OR51M1: variants seen among roughly 807,000 people sequenced by gnomAD.
OR51M1 encodes olfactory receptor family 51 subfamily M member 1, also known as olfactory receptor 51M1.
For synonymous variants in OR51M1, 199 were observed against 155.1 expected (o/e 1.28, Z -2.10); for missense variants, 509 against 404.4 (o/e 1.26, Z -2.22).
chr11:5,390,097 C>T lies in OR51M1; in HGVS notation c.699C>T (p.Ile233=). ...TCATCGCACTGTCCTATGGACTCAT[C>T]CTGCACACAGTAGCAGGCCTGGCCT... ...LVLIALSYGL[I]LHTVAGLASQ... The change falls in exon 3 of 3, where the codon ATC becomes ATT. Residue 233 remains isoleucine (I), a synonymous_variant. Transcript: ENST00000642046. 1 of 1,613,786 alleles carries T rather than the reference C, an allele frequency of 6.2e-7. No individual in the cohort carries two copies. The highest frequency in any genetic ancestry group is 8.5e-7 in the Non-Finnish European group (1 of 1,179,898).
intron 2 of OR51M1, among the ~76,000 whole-genome samples, chr11:5,385,835 T>A (rs1298374454): frequency 6.7e-6 from 1 of 148,338 alleles, no homozygotes; most frequent in East Asian, 2.0e-4. Context: ...GAATATATAA[T>A]GTATATACTA....
rs548205989 is a variant in OR51M1, at chr11:5,392,476, C to T, written c.*2097C>T. ...ATTTTGCCTCTTATTAACAAATAGA[C>T]CACTGACATCTAAATTTCATTTTCA... On this transcript the variant is annotated 3_prime_UTR_variant, in exon 3 of 3. Transcript: ENST00000642046. 6.6e-6 allele frequency: 1 copy of T among 152,134 alleles called. No homozygotes were observed. The highest frequency in any genetic ancestry group is 6.5e-5 in the Admixed American group (1 of 15,276). 9.4% of individuals were successfully genotyped at this position (152,134 alleles called of 1,614,324 possible).
chr11:5,386,070 G>C (rs1380863930), intron 2 of OR51M1, among the ~76,000 whole-genome samples: 2 of 151,968 alleles, frequency 1.3e-5, no homozygotes, highest in Admixed American at 6.6e-5. Context: ...TGCTACAGAA[G>C]GAAGTCAGGA....
In OR51M1 at chr11:5,390,082, G is replaced by T. The variant is rs773429140; in HGVS notation, c.684G>T (p.Leu228=). 3.7e-6 allele frequency: 6 copies of T among 1,613,752 alleles called. No homozygotes were observed. Among genetic ancestry groups the T allele is most frequent in the Non-Finnish European group, 5.1e-6 (6 of 1,179,892 alleles). Reference sequence around the variant, plus strand: ...TGCTGGACCTGGTGCTCATCGCACTGTCCTATGGACTCATCCTGCACACAG... The same window carrying T: ...TGCTGGACCTGGTGCTCATCGCACTTTCCTATGGACTCATCCTGCACACAG... The part of the protein sequence containing the change: ...TVMLDLVLIA[L]SYGLILHTVA... Residue 228 remains leucine (L), a synonymous_variant, in exon 3 of 3, where the codon CTG becomes CTT. Transcript: ENST00000642046.
chr11:5,389,654 TG>T lies in OR51M1; in HGVS notation c.257del (p.Cys86LeufsTer44). 1 of 1,613,692 alleles carries T rather than the reference TG, an allele frequency of 6.2e-7. No individual in the cohort carries two copies. The highest frequency in any genetic ancestry group is 8.5e-7 in the Non-Finnish European group (1 of 1,179,894). On this transcript the variant is annotated frameshift_variant, in exon 3 of 3. Transcript: ENST00000642046. LOFTEE classifies it low-confidence loss of function (END_TRUNC). ...GCTGGCCCTCACTGACCTGGGGCTG[TG>T]TGTGTCCACGTTGCCCACCACTATG... ...SLLALTDLGL[C>X]VSTLPTTMGI...
intron 2 of OR51M1, among the ~76,000 whole-genome samples, chr11:5,387,141 T>C (rs891673653): frequency 6.6e-6 from 1 of 152,032 alleles, no homozygotes; most frequent in Admixed American, 6.5e-5. Context: ...CTGAATAACA[T>C]AAATATTTGA....
chr11:5,389,870 CT>C lies in OR51M1; in HGVS notation c.473del (p.Leu158GlnfsTer18). On this transcript the variant is annotated frameshift_variant, in exon 3 of 3. Transcript: ENST00000642046. LOFTEE classifies it low-confidence loss of function (END_TRUNC). The stretch of plus-strand genomic sequence containing the variant: ...TGGCCAGCAAGTGGTCAGAGCAGGC[CT>C]AATTGTCATCTTCCGGGGACCTGTG... ...ITGQQVVRAG[L>X]IVIFRGPVAT... is the part of the protein sequence containing the mutation. 1 of 1,613,588 alleles carries C rather than the reference CT, an allele frequency of 6.2e-7. No homozygotes were observed. The highest frequency in any genetic ancestry group is 8.5e-7 in the Non-Finnish European group (1 of 1,179,898).
In OR51M1 at chr11:5,383,887, A is replaced by C. The variant is rs2647554; in HGVS notation, c.-152A>C. 61,845 of 151,848 alleles carry C rather than the reference A, an allele frequency of 0.41. 12,777 individuals carry two copies. The highest frequency in any genetic ancestry group is 0.54 in the South Asian group (2,581 of 4,804). 9.4% of individuals were successfully genotyped at this position (151,848 alleles called of 1,614,324 possible). On this transcript the variant is annotated 5_prime_UTR_variant, in exon 1 of 3. Transcript: ENST00000642046. ...TTCTTTCTTCCTTTGGAACCTACTC[A>C]TTGGCTTCACATTTTTGTTATTACC...
rs1370632312 is a variant in OR51M1, at chr11:5,391,871, C to G, written c.*1492C>G. The G allele has an allele frequency of 6.6e-6, 1 of 152,092 alleles. No homozygotes were observed. Among genetic ancestry groups the G allele is most frequent in the East Asian group, 1.9e-4 (1 of 5,190 alleles). 9.4% of individuals were successfully genotyped at this position (152,092 alleles called of 1,614,324 possible). A position where few individuals can be genotyped will look rare whatever the true frequency, so the allele number is the denominator to read the frequency against. On this transcript the variant is annotated 3_prime_UTR_variant, in exon 3 of 3. Transcript: ENST00000642046. ...ATTACTTGAGTCCAGGAGTTTGAGACCAGCCTGAACAATACAGCAAGACCC... is the reference window on the plus strand; with the variant it reads ...ATTACTTGAGTCCAGGAGTTTGAGAGCAGCCTGAACAATACAGCAAGACCC...
chr11:5,383,928 C>G lies in OR51M1; in HGVS notation c.-122+11C>G, dbSNP rs1849646553. ...TGTTATTACCTGCTGGTGAGTCTCA[C>G]TACTGTCTTGTGCCGGGGTTTCAGG... On this transcript the variant is annotated intron_variant, in intron 1 of 2. Coordinates refer to ENST00000642046, the MANE Select transcript of OR51M1 (RefSeq NM_001004756.3). 1.3e-5 allele frequency: 2 copies of G among 152,346 alleles called. No homozygotes were observed. The highest frequency in any genetic ancestry group is 2.1e-4 in the South Asian group (1 of 4,810). 9.4% of individuals were successfully genotyped at this position (152,346 alleles called of 1,614,324 possible). A position where few individuals can be genotyped will look rare whatever the true frequency, so the allele number is the denominator to read the frequency against.
rs1849801908 is a variant in OR51M1 at position 5,391,940 on chromosome 11, A to G, written c.*1561A>G. On this transcript the variant is annotated 3_prime_UTR_variant, in exon 3 of 3. Transcript: ENST00000642046. ...TAAAATTAGCCATGTGTGGCGGTGCACGTCTGTAGTCTCAGCTACCTGGGA... is the reference window on the plus strand; with the variant it reads ...TAAAATTAGCCATGTGTGGCGGTGCGCGTCTGTAGTCTCAGCTACCTGGGA... 1 of 152,170 alleles carries G rather than the reference A, an allele frequency of 6.6e-6. No individual in the cohort carries two copies. The highest frequency in any genetic ancestry group is 1.5e-5 in the Non-Finnish European group (1 of 68,078). The allele number at this position is 152,170 out of a possible 1,614,324, so 9.4% of individuals were successfully genotyped here.
chr11:5,384,397 A>G (rs1849653739), intron 1 of OR51M1, among the ~76,000 whole-genome samples: 1 of 151,858 alleles, frequency 6.6e-6, no homozygotes, highest in Admixed American at 6.5e-5. Flanking sequence ...TTCTCACAGA[A>G]TCTCTTCTGA....
In OR51M1 at chr11:5,390,310, C is replaced by G; in HGVS notation, c.912C>G (p.Tyr304Ter). The G allele has an allele frequency of 6.2e-7, 1 of 1,613,548 alleles. No individual in the cohort carries two copies. Among genetic ancestry groups the G allele is most frequent in the Non-Finnish European group, 8.5e-7 (1 of 1,179,606 alleles). The change falls in exon 3 of 3, where the codon TAC becomes TAG. Residue 304 changes from tyrosine to a stop codon, truncating the protein, a stop_gained. Coordinates refer to ENST00000642046, the MANE Select transcript of OR51M1 (RefSeq NM_001004756.3). LOFTEE classifies it low-confidence loss of function (END_TRUNC). The stretch of plus-strand genomic sequence containing the variant: ...CTCCCATGCTTAACCCAATCATATA[C>G]AGCATTAAGACCAAGGAGATCCACC... ...FVPPMLNPII[Y>*]SIKTKEIHRA...
At chr11:5,389,001 GAGAA>G (rs1457960622) in intron 2 of OR51M1, among the ~76,000 whole-genome samples, 2 of 152,146 alleles carry the variant, frequency 1.3e-5, no homozygotes, top group Non-Finnish European at 2.9e-5. Flanking sequence ...AATCAAAAGA[GAGAA>G]AGACAAGTTC....
chr11:5,390,070 G>A lies in OR51M1; in HGVS notation c.672G>A (p.Val224=), dbSNP rs772100766. 1.9e-6 allele frequency: 3 copies of A among 1,613,700 alleles called. No individual in the cohort carries two copies. The South Asian group carries it at 3.3e-5, about 18-fold the overall frequency. ...TTTTCACTGTGATGCTGGACCTGGTGCTCATCGCACTGTCCTATGGACTCA... is the reference window on the plus strand; with the variant it reads ...TTTTCACTGTGATGCTGGACCTGGTACTCATCGCACTGTCCTATGGACTCA... ...VVVFTVMLDL[V]LIALSYGLIL... Residue 224 remains valine, a synonymous_variant, in exon 3 of 3, where the codon GTG becomes GTA. Coordinates refer to ENST00000642046, the MANE Select transcript of OR51M1 (RefSeq NM_001004756.3).
Position 5,390,586 on chromosome 11 carries a change from C to A in OR51M1, c.*207C>A. The A allele has an allele frequency of 1.9e-6, 1 of 521,352 alleles. No individual in the cohort carries two copies. Among genetic ancestry groups the A allele is most frequent in the Non-Finnish European group, 3.3e-6 (1 of 299,282 alleles). 32.3% of individuals were successfully genotyped at this position (521,352 alleles called of 1,614,324 possible). A position where few individuals can be genotyped will look rare whatever the true frequency, so the allele number is the denominator to read the frequency against. On this transcript the variant is annotated 3_prime_UTR_variant, in exon 3 of 3. Transcript: ENST00000642046. ...TAATGGCTCCTCCTACAGCTGAGAA[C>A]TGGCATTTTTGGTAGCATCAAAGCT...
At chr11:5,388,078 T>C (rs1251182350) in intron 2 of OR51M1, among the ~76,000 whole-genome samples, 1 of 152,154 alleles carries the variant, frequency 6.6e-6, no homozygotes, top group Admixed American at 6.5e-5. Context: ...TATGTATTTA[T>C]TGAATCAATT....
chr11:5,389,748 A>C lies in OR51M1; in HGVS notation c.350A>C (p.His117Pro). ...GACQIQMFCI[H>P]SFSFMESSVL... is the part of the protein sequence containing the mutation. ...TGTCAAATCCAGATGTTCTGCATCCACTCTTTTTCCTTCATGGAGTCCTCA... is the reference window on the plus strand; with the variant it reads ...TGTCAAATCCAGATGTTCTGCATCCCCTCTTTTTCCTTCATGGAGTCCTCA... The change falls in exon 3 of 3, where the codon CAC (histidine) becomes CCC (proline). Residue 117 changes from histidine (H) to proline (P), a missense_variant. Transcript: ENST00000642046. 6.2e-7 allele frequency: 1 copy of C among 1,613,216 alleles called. No homozygotes were observed. The highest frequency in any genetic ancestry group is 8.5e-7 in the Non-Finnish European group (1 of 1,179,696).
At position 5,390,210 on chromosome 11, in the gene OR51M1, C is replaced by G. The variant is rs779620491; in HGVS notation, c.812C>G (p.Ser271Cys). 9 of 1,613,986 alleles carry G rather than the reference C, an allele frequency of 5.6e-6. No homozygotes were observed. Among genetic ancestry groups the G allele is most frequent in the Non-Finnish European group, 7.6e-6 (9 of 1,179,884 alleles). The change falls in exon 3 of 3, where the codon TCC becomes TGC. Residue 271 changes from serine to cysteine, a missense_variant. Ser to Cys is a moderately radical substitution (Grantham distance 112). Transcript: ENST00000642046. ...LVFFVPMMGL[S>C]LVHRFGKHAP... Reference sequence around the variant, plus strand: ...TTCTTTGTGCCCATGATGGGGCTGTCCCTGGTGCACCGTTTTGGGAAGCAT... The same window carrying G: ...TTCTTTGTGCCCATGATGGGGCTGTGCCTGGTGCACCGTTTTGGGAAGCAT...
Sources: allele counts gnomAD v4.1 joint callset (sites outside exome capture counted in the v4.1 genomes callset), GRCh38; gene constraint gnomAD v4.1.1; transcripts MANE v1.5; gene names NCBI Gene and HGNC (gene_info 2026-07-23, HGNC 2026-07-21).